ZNF423: variants seen among roughly 807,000 people sequenced by gnomAD.
ZNF423 encodes the protein zinc finger protein 423, also known as Ebf-associated zinc finger protein.
Under a neutral mutation model 95.8 loss-of-function variants are expected in ZNF423, and 12 were observed. The ratio of observed to expected loss-of-function variants is 0.13; its 90% CI spans 0.08 to 0.20. The LOEUF is 0.20. Among genes scored for constraint, ZNF423 ranks in the 10% least tolerant of loss-of-function variants. The pLI, the probability that ZNF423 is intolerant of heterozygous loss-of-function variation, is 1.00. For synonymous variants in ZNF423, 749 were observed against 711.9 expected (o/e 1.05, Z -0.83); for missense variants, 1,316 against 1,737.1 (o/e 0.76, Z 4.31).
chr16:49,512,849 A>C (rs1967954420), intron 7 of ZNF423, among the ~76,000 whole-genome samples: 1 of 152,174 alleles, frequency 6.6e-6, no homozygotes, highest in African/African-American at 2.4e-5. Flanking sequence ...TAATCCCAGC[A>C]CTTTGAGAGG....
chr16:49,699,938 C>G lies in ZNF423; in HGVS notation c.301+30833G>C, dbSNP rs533519958. On this transcript the variant is annotated intron_variant, in intron 3 of 7. Transcript: ENST00000563137. ...GTGGACCCCACCCCACAGCAGCTCC[C>G]GAGCCAGGGCCCCAGGCCAGGATAT... is the stretch of plus-strand genomic sequence containing the variant. Among the ~76,000 whole-genome samples, 5 of 152,218 alleles carry G rather than the reference C, an allele frequency of 3.3e-5. No homozygotes were observed. The South Asian group carries it at 1.0e-3, about 32-fold the overall frequency.
chr16:49,774,347 C>A (rs1206362944), intron 2 of ZNF423, among the ~76,000 whole-genome samples: 1 of 152,158 alleles, frequency 6.6e-6, no homozygotes, highest in East Asian at 1.9e-4. Flanking sequence ...ACCCGCCAGA[C>A]ACGGAGTAAG....
chr16:49,735,719 G>A (rs1596945593), intron 2 of ZNF423, among the ~76,000 whole-genome samples: 1 of 152,172 alleles, frequency 6.6e-6, no homozygotes, highest in Admixed American at 6.5e-5. Flanking sequence ...CACATGGAGA[G>A]AGAGCACATA....
intron 1 of ZNF423, chr16:49,822,709 G>A: frequency 6.2e-7 from 1 of 1,610,486 alleles, no homozygotes; most frequent in Non-Finnish European, 8.5e-7. Context: ...CTTTTACAGG[G>A]TAAAATCCAT....
intron 2 of ZNF423, among the ~76,000 whole-genome samples, chr16:49,749,302 G>A (rs1283851754): frequency 6.6e-6 from 1 of 152,190 alleles, no homozygotes; most frequent in Admixed American, 6.5e-5. Flanking sequence ...CCCAGGTCCT[G>A]ACCTTGACAG....
intron 5 of ZNF423, among the ~76,000 whole-genome samples, chr16:49,551,275 C>T (rs1335363857): frequency 1.3e-5 from 2 of 152,196 alleles, no homozygotes; most frequent in Non-Finnish European, 1.5e-5. Context: ...TTCCAACATC[C>T]AACGCTCCGC....
At chr16:49,699,889 A>C (rs147895345) in intron 3 of ZNF423, among the ~76,000 whole-genome samples, 1 of 152,142 alleles carries the variant, frequency 6.6e-6, no homozygotes, top group South Asian at 2.1e-4. Context: ...CAAAGTCTCC[A>C]AGAGGGAGGA....
chr16:49,736,483 A>C (rs1231843656), intron 2 of ZNF423, among the ~76,000 whole-genome samples: 1 of 152,124 alleles, frequency 6.6e-6, no homozygotes, highest in African/African-American at 2.4e-5. Context: ...AAAACCTTTC[A>C]CCTCAATCAT....
chr16:49,645,498 G>T (rs992529671), intron 3 of ZNF423, among the ~76,000 whole-genome samples: 5 of 152,302 alleles, frequency 3.3e-5, no homozygotes, highest in Middle Eastern at 3.4e-3. Context: ...TAGTCAAAGG[G>T]CACTGAGCAA....
rs535538882 is a variant in ZNF423 at position 49,669,011 on chromosome 16, G to A, written c.302-30137C>T. 1.2e-4 allele frequency among the ~76,000 whole-genome samples: 19 copies of A among 152,268 alleles called. 2 individuals carry two copies. The South Asian group carries it at 3.5e-3, about 28-fold the overall frequency. ...TAACCCTTAGTAAGCACAGAGAGTG[G>A]GGAGTGGGGAGTGCAGCATGGTCTT... On this transcript the variant is annotated intron_variant, in intron 3 of 7. Coordinates refer to ENST00000563137, the MANE Select transcript of ZNF423 (RefSeq NM_001379286.1).
At chr16:49,639,012 A>G in intron 3 of ZNF423, 138 bp from the exon 4 acceptor site, 1 of 1,436,210 alleles carries the variant, frequency 7.0e-7, no homozygotes, top group Non-Finnish European at 9.1e-7. Flanking sequence ...GGGGAGGGGC[A>G]GGGGCCGGAA....
chr16:49,806,036 C>T (rs2034657842), intron 1 of ZNF423, among the ~76,000 whole-genome samples: 1 of 152,274 alleles, frequency 6.6e-6, no homozygotes, highest in African/African-American at 2.4e-5. Flanking sequence ...AGGTTAATCT[C>T]CTCGTTCATA....
intron 5 of ZNF423, among the ~76,000 whole-genome samples, chr16:49,555,500 C>T (rs151038915): frequency 2.8e-3 from 433 of 152,342 alleles, no homozygotes; most frequent in Non-Finnish European, 4.9e-3. Flanking sequence ...GGTTAACACA[C>T]GGGTTAAGTA....
intron 5 of ZNF423, among the ~76,000 whole-genome samples, chr16:49,574,709 CCAGGTCGTGCAT>C (rs1970444415): frequency 7.4e-6 from 1 of 135,060 alleles, no homozygotes; most frequent in Admixed American, 7.5e-5. Flanking sequence ...CAGCTGCACT[CCAGGTCGTGCAT>C]CCCACCTCGC....
chr16:49,717,968 C>CA (rs2032755630), intron 3 of ZNF423, among the ~76,000 whole-genome samples: 1 of 152,150 alleles, frequency 6.6e-6, no homozygotes, highest in East Asian at 1.9e-4. Flanking sequence ...GGGAGGGGAC[C>CA]AACCAACTCA....
chr16:49,725,092 C>T (rs1030114714), intron 3 of ZNF423, among the ~76,000 whole-genome samples: 1 of 152,322 alleles, frequency 6.6e-6, no homozygotes, highest in Non-Finnish European at 1.5e-5. Flanking sequence ...GAGCCTCAGT[C>T]ACCCAATTGC....
At chr16:49,615,219 C>A (rs1031943364) in intron 5 of ZNF423, among the ~76,000 whole-genome samples, 1 of 151,596 alleles carries the variant, frequency 6.6e-6, no homozygotes, top group Non-Finnish European at 1.5e-5. Flanking sequence ...TGGCTTGAGG[C>A]GTGGAGAGGG....
intron 2 of ZNF423, among the ~76,000 whole-genome samples, chr16:49,774,086 G>A (rs144586539): frequency 1.4e-4 from 21 of 152,344 alleles, no homozygotes; most frequent in African/African-American, 4.8e-4. Context: ...AGCTGTGGCC[G>A]TCCCTGATGG....
intron 2 of ZNF423, among the ~76,000 whole-genome samples, chr16:49,784,974 G>C (rs1401110279): frequency 1.3e-5 from 2 of 151,752 alleles, no homozygotes; most frequent in Admixed American, 1.3e-4. Context: ...AAAGAAAGTG[G>C]ATCAATGGTT....
Sources: allele counts gnomAD v4.1 joint callset (sites outside exome capture counted in the v4.1 genomes callset), GRCh38; gene constraint gnomAD v4.1.1; transcripts MANE v1.5; gene names NCBI Gene and HGNC (gene_info 2026-07-23, HGNC 2026-07-21).